TPMT: variants seen among roughly 807,000 people sequenced by gnomAD.
TPMT encodes S-adenosyl-L-methionine:thiopurine S-methyltransferase.
In TPMT, 18 loss-of-function variants were observed where a neutral mutation model predicts 34.2. The ratio of observed to expected loss-of-function variants is 0.53; its 90% CI spans 0.36 to 0.78. TPMT has a LOEUF of 0.78. TPMT is among the 30% of genes least tolerant of loss of function. TPMT has a pLI of 0.00. For synonymous variants in TPMT, 69 were observed against 92.4 expected, an observed-to-expected ratio of 0.75 and a Z score of 1.45; for missense variants, 265 against 288.1, an observed-to-expected ratio of 0.92 and a Z score of 0.58.
At chr6:18,152,685 G>A (rs1056324930) in intron 1 of TPMT, among the ~76,000 whole-genome samples, 1 of 151,256 alleles carries the variant, frequency 6.6e-6, no homozygotes, top group Non-Finnish European at 1.5e-5. Context: ...CTTGGCTAAC[G>A]GGACCCCAGA....
intron 6 of TPMT, among the ~76,000 whole-genome samples, chr6:18,134,118 C>G (rs1165875703): frequency 6.6e-6 from 1 of 152,166 alleles, no homozygotes; most frequent in Non-Finnish European, 1.5e-5. Flanking sequence ...CAAATCGAGG[C>G]CTGCTTCCAG....
chr6:18,152,590 T>C (rs1784372802), intron 1 of TPMT, among the ~76,000 whole-genome samples: 1 of 137,800 alleles, frequency 7.3e-6, no homozygotes, highest in Non-Finnish European at 1.6e-5. Context: ...TTTCTTTCTT[T>C]CTTTTTTTTT....
rs759199430 is a variant in TPMT, at chr6:18,139,004, A to G, written c.453T>C (p.Asp151=). 1 of 1,613,788 alleles carries G rather than the reference A, an allele frequency of 6.2e-7. No homozygotes were observed. The highest frequency in any genetic ancestry group is 8.5e-7 in the Non-Finnish European group (1 of 1,179,600). ...TNIGKFDMIW[D]RGALVAINPG... Reference sequence around the variant, plus strand: ...GATTGATGGCAACTAATGCTCCTCTATCCCAAATCATGTCAAATTTGCCAA... The same window carrying G: ...GATTGATGGCAACTAATGCTCCTCTGTCCCAAATCATGTCAAATTTGCCAA... Residue 151 remains aspartate (D), a synonymous_variant, in exon 6 of 9, where the codon GAT becomes GAC. Coordinates refer to ENST00000309983, the MANE Select transcript of TPMT (RefSeq NM_000367.5). This position sits in a 1 kb window ranked among gnomAD's most constrained non-coding sequence, Gnocchi z 4.2.
Position 18,136,221 on chromosome 6 carries a change from A to G in TPMT, c.495-2332T>C, listed in dbSNP as rs55939411. On this transcript the variant is annotated intron_variant, in intron 6 of 8. Coordinates refer to ENST00000309983, the MANE Select transcript of TPMT (RefSeq NM_000367.5). This position sits in a 1 kb window ranked among gnomAD's most constrained non-coding sequence, Gnocchi z 4.7. ...AACACCTACAAATTTAGACATTAGC[A>G]GATGGGGTTTCATATACAAATGTGT... Among the ~76,000 whole-genome samples, 368 of 152,162 alleles carry G rather than the reference A, an allele frequency of 2.4e-3. 2 individuals carry two copies. The highest frequency in any genetic ancestry group is 8.6e-3 in the African/African-American group (355 of 41,514).
rs1195566807 is a variant in TPMT, at chr6:18,132,495, T to A, written c.581-318A>T. ...AGCATACTGATTTTCTACCAACTCCTGCACTCACCCACATTTTATACACCC... is the reference window on the plus strand; with the variant it reads ...AGCATACTGATTTTCTACCAACTCCAGCACTCACCCACATTTTATACACCC... On this transcript the variant is annotated intron_variant, in intron 7 of 8. Transcript: ENST00000309983. The surrounding 1 kb of genome is among the most constrained non-coding windows in gnomAD (Gnocchi z 4.8). Among the ~76,000 whole-genome samples the A allele has an allele frequency of 2.0e-5, 3 of 152,070 alleles. No homozygotes were observed. In the East Asian group the frequency reaches 5.8e-4, roughly 29 times the overall value.
chr6:18,154,476 C>G lies in TPMT; in HGVS notation c.-45+557G>C, dbSNP rs1784435993. On this transcript the variant is annotated intron_variant, in intron 1 of 8. Coordinates refer to ENST00000309983, the MANE Select transcript of TPMT (RefSeq NM_000367.5). The surrounding 1 kb of genome is among the most constrained non-coding windows in gnomAD (Gnocchi z 4.2). The stretch of plus-strand genomic sequence containing the variant: ...ATACACCTGTGTAACCACCGCAGAG[C>G]AAGACAGAATATTTACAGCACCCCA... 1.3e-5 allele frequency among the ~76,000 whole-genome samples: 2 copies of G among 152,074 alleles called. No homozygotes were observed. Among genetic ancestry groups the G allele is most frequent in the African/African-American group, 2.4e-5 (1 of 41,378 alleles).
At chr6:18,147,349 T>C (rs1301763455) in intron 3 of TPMT, among the ~76,000 whole-genome samples, 3 of 152,198 alleles carry the variant, frequency 2.0e-5, no homozygotes, top group Admixed American at 6.5e-5. Flanking sequence ...TTTATAACAA[T>C]GATTCACGAT....
Position 18,145,598 on chromosome 6 carries a change from T to G in TPMT, c.234-1870A>C, listed in dbSNP as rs921942065. Among the ~76,000 whole-genome samples, 2 of 152,230 alleles carry G rather than the reference T, an allele frequency of 1.3e-5. No individual in the cohort carries two copies. The highest frequency in any genetic ancestry group is 4.8e-5 in the African/African-American group (2 of 41,462). ...TCTACAAAAGAGTACGTACTTTCAA[T>G]GTGGGCAGAGCATGAACTGTTTAGT... On this transcript the variant is annotated intron_variant, in intron 3 of 8. Transcript: ENST00000309983. The surrounding 1 kb of genome is among the most constrained non-coding windows in gnomAD (Gnocchi z 5.6).
In TPMT at chr6:18,148,641, A is replaced by G. The variant is rs1160102213; in HGVS notation, c.140+347T>C. ...TGGAAAGCAAAGTCAGACACCACTG[A>G]TTTTCAGTATGAAGAATTGTAAGCA... On this transcript the variant is annotated intron_variant, in intron 2 of 8. Coordinates refer to ENST00000309983, the MANE Select transcript of TPMT (RefSeq NM_000367.5). The surrounding 1 kb of genome is among the most constrained non-coding windows in gnomAD (Gnocchi z 4.1). Among the ~76,000 whole-genome samples, 1 of 152,212 alleles carries G rather than the reference A, an allele frequency of 6.6e-6. No homozygotes were observed. Among genetic ancestry groups the G allele is most frequent in the African/African-American group, 2.4e-5 (1 of 41,456 alleles).
rs1395200305 is a variant in TPMT, at chr6:18,143,517, T to C, written c.366+79A>G. Reference sequence around the variant, plus strand: ...AAATAGGAACCATCGGACACATGAATGGTATCCTCATAATACTCACACTGA... The same window carrying C: ...AAATAGGAACCATCGGACACATGAACGGTATCCTCATAATACTCACACTGA... On this transcript the variant is annotated intron_variant, in intron 4 of 8. Transcript: ENST00000309983. The surrounding 1 kb of genome is among the most constrained non-coding windows in gnomAD (Gnocchi z 6.1). 2 of 1,561,046 alleles carry C rather than the reference T, an allele frequency of 1.3e-6. No individual in the cohort carries two copies. The highest frequency in any genetic ancestry group is 1.8e-6 in the Non-Finnish European group (2 of 1,136,102).
rs1784122153 is a variant in TPMT at position 18,140,718 on chromosome 6, TAAAC to T, written c.367-1005_367-1002del. Among the ~76,000 whole-genome samples, 1 of 151,494 alleles carries T rather than the reference TAAAC, an allele frequency of 6.6e-6. No individual in the cohort carries two copies. The highest frequency in any genetic ancestry group is 2.4e-5 in the African/African-American group (1 of 41,180). On this transcript the variant is annotated intron_variant, in intron 4 of 8. Transcript: ENST00000309983. This position sits in a 1 kb window ranked among gnomAD's most constrained non-coding sequence, Gnocchi z 4.7. ...CTTGGAGCAAAATAATCCTAAAAAATAAACAACAACAACAAAAATCAAGAGAATA... is the reference window on the plus strand; with the variant it reads ...CTTGGAGCAAAATAATCCTAAAAAATAACAACAACAAAAATCAAGAGAATA...
In TPMT at chr6:18,138,270, T is replaced by C. The variant is rs796259227; in HGVS notation, c.494+693A>G. Among the ~76,000 whole-genome samples, 1 of 151,334 alleles carries C rather than the reference T, an allele frequency of 6.6e-6. No homozygotes were observed. The highest frequency in any genetic ancestry group is 1.5e-5 in the Non-Finnish European group (1 of 67,838). On this transcript the variant is annotated intron_variant, in intron 6 of 8. Transcript: ENST00000309983. The surrounding 1 kb of genome is among the most constrained non-coding windows in gnomAD (Gnocchi z 4.1). ...GAAATATTTTGATTTTTTTGTTTTT[T>C]TTTTTTTTTAAATATTTTACAGACA...
intron 6 of TPMT, among the ~76,000 whole-genome samples, chr6:18,134,997 G>A (rs1015731517): frequency 1.3e-5 from 2 of 152,180 alleles, no homozygotes; most frequent in African/African-American, 2.4e-5. Context: ...CAGAAGTTGG[G>A]GAGGCAAGTG....
chr6:18,151,400 C>T (rs546910818), intron 1 of TPMT, among the ~76,000 whole-genome samples: 93 of 151,056 alleles, frequency 6.2e-4, no homozygotes, highest in African/African-American at 1.9e-3. Context: ...CCTAGGAGTT[C>T]GAGGCTGCAG....
At position 18,132,001 on chromosome 6, in the gene TPMT, T is replaced by C; in HGVS notation, c.625+132A>G. On this transcript the variant is annotated intron_variant, in intron 8 of 8. Coordinates refer to ENST00000309983, the MANE Select transcript of TPMT (RefSeq NM_000367.5). The surrounding 1 kb of genome is among the most constrained non-coding windows in gnomAD (Gnocchi z 4.8). ...CATGTTGGCCAGGCTGGTCTCGAAC[T>C]CCTGGCCTCAGGTGATCTGCCCACC... The C allele has an allele frequency of 1.1e-6, 1 of 891,140 alleles. No individual in the cohort carries two copies. The highest frequency in any genetic ancestry group is 1.8e-6 in the Non-Finnish European group (1 of 543,978). The allele number at this position is 891,140 out of a possible 1,614,324, so 55.2% of individuals were successfully genotyped here.
chr6:18,132,615 T>C lies in TPMT; in HGVS notation c.581-438A>G, dbSNP rs1783967263. ...TCAGACTCCACCTCCAGACAGGGCCTGCTGTATTTTCTTCCCAAAGGTTCT... is the reference window on the plus strand; with the variant it reads ...TCAGACTCCACCTCCAGACAGGGCCCGCTGTATTTTCTTCCCAAAGGTTCT... On this transcript the variant is annotated intron_variant, in intron 7 of 8. Transcript: ENST00000309983. The surrounding 1 kb of genome is among the most constrained non-coding windows in gnomAD (Gnocchi z 4.8). Among the ~76,000 whole-genome samples, 1 of 152,166 alleles carries C rather than the reference T, an allele frequency of 6.6e-6. No homozygotes were observed.
intron 4 of TPMT, among the ~76,000 whole-genome samples, chr6:18,141,723 C>A (rs926285162): frequency 1.3e-5 from 2 of 152,152 alleles, no homozygotes; most frequent in African/African-American, 4.8e-5. Flanking sequence ...TATGACAATA[C>A]AACTCTGACC....
rs1784323026 is a variant in TPMT at position 18,150,064 on chromosome 6, T to C, written c.-44-893A>G. The stretch of plus-strand genomic sequence containing the variant: ...TTCTATATGTTGGGGGCTCAGTCCC[T>C]AAGATTTCCCTCCTCACTTAGACAC... On this transcript the variant is annotated intron_variant, in intron 1 of 8. Coordinates refer to ENST00000309983, the MANE Select transcript of TPMT (RefSeq NM_000367.5). The surrounding 1 kb of genome is among the most constrained non-coding windows in gnomAD (Gnocchi z 5.3). 6.6e-6 allele frequency among the ~76,000 whole-genome samples: 1 copy of C among 152,200 alleles called. No individual in the cohort carries two copies. The highest frequency in any genetic ancestry group is 2.4e-5 in the African/African-American group (1 of 41,454).
In TPMT at chr6:18,139,760, G is replaced by A. The variant is rs758935094; in HGVS notation, c.367-43C>T. On this transcript the variant is annotated intron_variant, in intron 4 of 8. Coordinates refer to ENST00000309983, the MANE Select transcript of TPMT (RefSeq NM_000367.5). This position sits in a 1 kb window ranked among gnomAD's most constrained non-coding sequence, Gnocchi z 4.2. The stretch of plus-strand genomic sequence containing the variant: ...AAAAAAAATTTTTTTTTTTTACTTA[G>A]TAAGTACTTGAATAGTCAAGGAAAG... 7 of 1,401,734 alleles carry A rather than the reference G, an allele frequency of 5.0e-6. No individual in the cohort carries two copies. In the Admixed American group the frequency reaches 1.2e-4, roughly 25 times the overall value. 86.8% of individuals were successfully genotyped at this position (1,401,734 alleles called of 1,614,324 possible). A position where few individuals can be genotyped will look rare whatever the true frequency, so the allele number is the denominator to read the frequency against.
Sources: allele counts gnomAD v4.1 joint callset (sites outside exome capture counted in the v4.1 genomes callset), GRCh38; gene constraint gnomAD v4.1.1; non-coding constraint Gnocchi (gnomAD v3.1); transcripts MANE v1.5; gene names NCBI Gene and HGNC (gene_info 2026-07-23, HGNC 2026-07-21).